Variants in PALM2AKAP2 observed in about 807,000 individuals in gnomAD.
PALM2AKAP2 encodes PALM2-AKAP2 fusion protein.
A neutral mutation model predicts 71.5 loss-of-function variants in PALM2AKAP2; 37 were observed. The observed-to-expected ratio is 0.52, with a 90% confidence interval of 0.40 to 0.68. The LOEUF (loss-of-function observed/expected upper bound fraction) is 0.68. Among genes scored for constraint, PALM2AKAP2 ranks in the 30% least tolerant of loss-of-function variants. The pLI is 0.00. For synonymous variants in PALM2AKAP2, 468 were observed against 478.8 expected, an observed-to-expected ratio of 0.98 and a Z score of 0.29; for missense variants, 1,224 against 1,191.8, an observed-to-expected ratio of 1.03 and a Z score of -0.40.
At chr9:109,862,941 G>A (rs757664743) in intron 1 of PALM2AKAP2, 4 of 513,818 alleles carry the variant, frequency 7.8e-6, no homozygotes, top group African/African-American at 5.8e-5. Flanking sequence ...ATCATGGTAG[G>A]GGGCCATGGC....
intron 1 of PALM2AKAP2, among the ~76,000 whole-genome samples, chr9:109,749,311 C>T (rs370279186): frequency 3.2e-4 from 49 of 152,080 alleles, no homozygotes; most frequent in South Asian, 6.2e-4. Context: ...ATTAGTCACG[C>T]GCCCCACCAT....
intron 1 of PALM2AKAP2, among the ~76,000 whole-genome samples, chr9:110,078,675 C>T (rs934069125): frequency 1.3e-5 from 2 of 152,178 alleles, no homozygotes; most frequent in Admixed American, 6.5e-5. Flanking sequence ...ATTTAGACAG[C>T]TTTTGTTTTA....
At chr9:110,088,363 G>A (rs1171384697) in intron 1 of PALM2AKAP2, among the ~76,000 whole-genome samples, 3 of 152,170 alleles carry the variant, frequency 2.0e-5, no homozygotes, top group African/African-American at 7.2e-5. Flanking sequence ...CCAATCAGAG[G>A]CTGCAGTGAA....
chr9:109,698,272 ATTT>A (rs774359983), intron 1 of PALM2AKAP2, among the ~76,000 whole-genome samples: 9 of 118,562 alleles, frequency 7.6e-5, no homozygotes, highest in Non-Finnish European at 8.6e-5. Context: ...TGTGTGCTAC[ATTT>A]TTTTTTTTTT....
intron 1 of PALM2AKAP2, among the ~76,000 whole-genome samples, chr9:110,079,045 ACTT>A (rs1834385885): frequency 6.6e-6 from 1 of 152,194 alleles, no homozygotes; most frequent in Non-Finnish European, 1.5e-5. Context: ...TAAAATCAGT[ACTT>A]TGCTTCCCTC....
At chr9:109,943,140 C>T (rs545735875) in intron 6 of PALM2AKAP2, 23 of 1,614,148 alleles carry the variant, frequency 1.4e-5, no homozygotes, top group South Asian at 8.8e-5. Flanking sequence ...TTATGGGCTA[C>T]CAAAATATCG....
At chr9:109,992,833 G>A (rs73524693) in intron 6 of PALM2AKAP2, among the ~76,000 whole-genome samples, 5,968 of 151,696 alleles carry the variant, frequency 0.039, 200 homozygotes, top group East Asian at 0.14. Context: ...ACCACACTTG[G>A]GAAGACCACA....
chr9:109,781,222 C>T (rs1429706059), intron 1 of PALM2AKAP2, among the ~76,000 whole-genome samples: 1 of 152,068 alleles, frequency 6.6e-6, no homozygotes, highest in Non-Finnish European at 1.5e-5. Flanking sequence ...AAAAGTGTAC[C>T]CATGTGCATC....
rs368295286 is a variant in PALM2AKAP2, at chr9:109,702,905, G to A, written c.5+62039G>A. The stretch of plus-strand genomic sequence containing the variant: ...GTGATCTTGGTTCACGGCAACCTCC[G>A]CTTCCCAGGTTCAAGCGATTTTCCT... On this transcript the variant is annotated intron_variant, in intron 1 of 6. Transcript: ENST00000374531. 4.0e-5 allele frequency among the ~76,000 whole-genome samples: 6 copies of A among 151,416 alleles called. No homozygotes were observed. The South Asian group carries it at 6.3e-4, about 16-fold the overall frequency.
At chr9:110,142,170 C>T (rs1478355208) in intron 2 of PALM2AKAP2, among the ~76,000 whole-genome samples, 1 of 149,580 alleles carries the variant, frequency 6.7e-6, no homozygotes, top group Non-Finnish European at 1.5e-5. Flanking sequence ...CTCCCAGGTT[C>T]AAGTGATTCT....
intron 3 of PALM2AKAP2, among the ~76,000 whole-genome samples, chr9:110,160,136 A>C (rs1836559672): frequency 6.6e-6 from 1 of 152,210 alleles, no homozygotes; most frequent in Non-Finnish European, 1.5e-5. Context: ...GAATTAGGAA[A>C]AAAAACCACC....
chr9:110,035,550 A>C (rs1833381102), intron 7 of PALM2AKAP2, among the ~76,000 whole-genome samples: 1 of 145,188 alleles, frequency 6.9e-6, no homozygotes, highest in African/African-American at 2.5e-5. Context: ...GTTGTGTGTT[A>C]TATATAACAT....
chr9:109,692,780 A>T (rs1015628163), intron 1 of PALM2AKAP2, among the ~76,000 whole-genome samples: 1 of 151,984 alleles, frequency 6.6e-6, no homozygotes, highest in African/African-American at 2.4e-5. Flanking sequence ...GCCTTTGGGG[A>T]TGAACCTCCC....
intron 5 of PALM2AKAP2, among the ~76,000 whole-genome samples, chr9:109,930,580 A>G (rs948998012): frequency 3.9e-5 from 6 of 152,240 alleles, no homozygotes; most frequent in Non-Finnish European, 8.8e-5. Context: ...TAATGGTCTA[A>G]TGTCAATACA....
chr9:110,014,805 TGTATATATA>T (rs1564260600), intron 6 of PALM2AKAP2, among the ~76,000 whole-genome samples: 1 of 6,316 alleles, frequency 1.6e-4, no homozygotes, highest in Non-Finnish European at 3.1e-4. Flanking sequence ...AAAAAAAAAA[TGTATATATA>T]TATATATATA....
chr9:110,115,213 G>T (rs548342245), intron 1 of PALM2AKAP2, among the ~76,000 whole-genome samples: 2 of 152,344 alleles, frequency 1.3e-5, no homozygotes, highest in Admixed American at 6.5e-5. Context: ...GGGCTTGGGA[G>T]AGCAGAGCTA....
At chr9:109,766,418 A>G (rs1170341067) in intron 1 of PALM2AKAP2, among the ~76,000 whole-genome samples, 2 of 152,178 alleles carry the variant, frequency 1.3e-5, no homozygotes, top group Non-Finnish European at 2.9e-5. Flanking sequence ...AATGGGAATG[A>G]CTGACAGGCA....
At chr9:110,033,778 C>G (rs1833329591) in intron 7 of PALM2AKAP2, among the ~76,000 whole-genome samples, 1 of 152,186 alleles carries the variant, frequency 6.6e-6, no homozygotes, top group African/African-American at 2.4e-5. Flanking sequence ...TGGACCTGAT[C>G]TAAGACCACT....
intron 1 of PALM2AKAP2, among the ~76,000 whole-genome samples, chr9:109,782,135 G>T (rs930535602): frequency 2.6e-5 from 4 of 152,222 alleles, no homozygotes; most frequent in Non-Finnish European, 5.9e-5. Context: ...TCCAAACATG[G>T]AGCCAGTAGC....
Sources: gnomAD v4.1 joint callset for allele counts (sites outside exome capture counted in the v4.1 genomes callset) on GRCh38, gnomAD v4.1.1 for gene constraint, MANE v1.5 for transcripts, NCBI Gene and HGNC (gene_info 2026-07-23, HGNC 2026-07-21) for gene names.